The following KAZN variants were observed in gnomAD, a reference collection of about 807,000 sequenced individuals.
KAZN encodes the protein kazrin, periplakin interacting protein.
A neutral mutation model predicts 87.4 loss-of-function variants in KAZN; 40 were observed. The observed-to-expected ratio is 0.46, with a 90% CI of 0.36 to 0.60. KAZN has a LOEUF of 0.60. Ranked by LOEUF, KAZN falls within the 20% of genes least tolerant of loss-of-function variation. KAZN has a pLI of 0.00. For synonymous variants in KAZN, 466 were observed against 458.3 expected, an observed-to-expected ratio of 1.02 and a Z score of -0.22; for missense variants, 898 against 1,073.9, an observed-to-expected ratio of 0.84 and a Z score of 2.29.
chr1:14,089,674 TA>T (rs1432503282), intron 1 of KAZN, among the ~76,000 whole-genome samples: 1 of 152,158 alleles, frequency 6.6e-6, no homozygotes, highest in African/African-American at 2.4e-5. Flanking sequence ...AATTATCTCT[TA>T]AAAATATTTA....
At chr1:14,443,338 C>T (rs191277283) in intron 2 of KAZN, among the ~76,000 whole-genome samples, 7 of 152,350 alleles carry the variant, frequency 4.6e-5, no homozygotes, top group African/African-American at 1.7e-4. Flanking sequence ...CAAAGGCTGC[C>T]TAATTAAGTT....
At chr1:14,434,710 G>C (rs1666279441) in intron 2 of KAZN, among the ~76,000 whole-genome samples, 1 of 152,114 alleles carries the variant, frequency 6.6e-6, no homozygotes, top group African/African-American at 2.4e-5. Flanking sequence ...CACGGAGCAG[G>C]GTGCAGCTCA....
chr1:14,889,325 AC>A (rs2101149037), intron 1 of KAZN, among the ~76,000 whole-genome samples: 1 of 152,378 alleles, frequency 6.6e-6, no homozygotes, highest in South Asian at 2.1e-4. Context: ...AAATAAGAGA[AC>A]AAAAAGACCT....
chr1:14,227,541 G>T (rs866333250), intron 2 of KAZN, among the ~76,000 whole-genome samples: 4 of 152,150 alleles, frequency 2.6e-5, no homozygotes, highest in Non-Finnish European at 4.4e-5. Flanking sequence ...GACAGGCAGA[G>T]TTCTAAGGAC....
intron 1 of KAZN, among the ~76,000 whole-genome samples, chr1:14,943,007 G>GGGGTGTGTGTGT (rs1378110387): frequency 2.0e-5 from 2 of 100,846 alleles, no homozygotes; most frequent in South Asian, 6.6e-4. Flanking sequence ...GTGTGTGTGT[G>GGGGTGTGTGTGT]GTGTGTGTGT....
chr1:14,028,878 G>T (rs532267628), intron 1 of KAZN, among the ~76,000 whole-genome samples: 261 of 152,058 alleles, frequency 1.7e-3, no homozygotes, highest in Admixed American at 4.7e-3. Context: ...TATCATTGTT[G>T]GACATTTGGG....
At chr1:14,962,461 C>T (rs1663992273) in intron 2 of KAZN, among the ~76,000 whole-genome samples, 1 of 152,212 alleles carries the variant, frequency 6.6e-6, no homozygotes, top group Admixed American at 6.5e-5. Context: ...CGTACTTTTC[C>T]TCTATGCAGC....
At chr1:14,076,679 A>C (rs1323917758) in intron 1 of KAZN, among the ~76,000 whole-genome samples, 5 of 152,168 alleles carry the variant, frequency 3.3e-5, no homozygotes, top group Non-Finnish European at 5.9e-5. Flanking sequence ...ACTGTTGTGC[A>C]TATTACCTAT....
chr1:14,158,375 C>G (rs1477181761), intron 1 of KAZN, among the ~76,000 whole-genome samples: 13 of 151,926 alleles, frequency 8.6e-5, no homozygotes, highest in Non-Finnish European at 1.5e-5. Flanking sequence ...TCTGCTTGAT[C>G]AATTCTGCTG....
chr1:14,511,489 A>G (rs1266451958), intron 2 of KAZN, among the ~76,000 whole-genome samples: 1 of 152,200 alleles, frequency 6.6e-6, no homozygotes, highest in African/African-American at 2.4e-5. Context: ...CCTGTGTCCC[A>G]CTGATCTGTG....
At chr1:14,473,686 A>T (rs888241044) in intron 2 of KAZN, among the ~76,000 whole-genome samples, 9 of 151,322 alleles carry the variant, frequency 5.9e-5, no homozygotes, top group African/African-American at 2.2e-4. Flanking sequence ...TCATCATCAC[A>T]GAAGCCTCAA....
chr1:14,263,300 G>A (rs1177060479), intron 2 of KAZN, among the ~76,000 whole-genome samples: 1 of 152,162 alleles, frequency 6.6e-6, no homozygotes, highest in East Asian at 1.9e-4. Flanking sequence ...ATCAGTTCTT[G>A]TAACAACTCG....
At chr1:14,207,675 G>A (rs1001839014) in intron 2 of KAZN, among the ~76,000 whole-genome samples, 11 of 152,122 alleles carry the variant, frequency 7.2e-5, no homozygotes, top group African/African-American at 1.4e-4. Context: ...CTGGGTGAGC[G>A]CCCCTTTCAC....
intron 1 of KAZN, among the ~76,000 whole-genome samples, chr1:14,030,568 CAT>C (rs1641279320): frequency 6.6e-6 from 1 of 150,956 alleles, no homozygotes; most frequent in African/African-American, 2.4e-5. Context: ...TACCCTAAAA[CAT>C]AAAGTATAAT....
At position 14,564,598 on chromosome 1, in the gene KAZN, G is replaced by A. The variant is rs1259995904; in HGVS notation, c.250-34385G>A. The stretch of plus-strand genomic sequence containing the variant: ...AGGTGCGTGGATCACGAGGTCAAGA[G>A]TTCAAGACCAGCCTGGCCAAGATGG... On this transcript the variant is annotated intron_variant, in intron 2 of 16. Transcript: ENST00000636203. Among the ~76,000 whole-genome samples, 7 of 151,382 alleles carry A rather than the reference G, an allele frequency of 4.6e-5. No individual in the cohort carries two copies. The East Asian group carries it at 1.2e-3, about 25-fold the overall frequency.
At chr1:15,041,988 T>C (rs1672975161) in intron 3 of KAZN, among the ~76,000 whole-genome samples, 1 of 152,234 alleles carries the variant, frequency 6.6e-6, no homozygotes, top group African/African-American at 2.4e-5. Context: ...GCCTTAGCAC[T>C]GTACAGAACG....
intron 2 of KAZN, among the ~76,000 whole-genome samples, chr1:14,242,761 T>G (rs1649094960): frequency 6.6e-6 from 1 of 152,216 alleles, no homozygotes; most frequent in Non-Finnish European, 1.5e-5. Flanking sequence ...CCCTGCTGTC[T>G]CAGAAAGCTC....
At chr1:14,785,256 C>T (rs888532357) in intron 1 of KAZN, among the ~76,000 whole-genome samples, 1 of 152,150 alleles carries the variant, frequency 6.6e-6, no homozygotes, top group African/African-American at 2.4e-5. Flanking sequence ...GCCCTGTGGA[C>T]CCCCATGGAA....
At chr1:14,347,822 T>C (rs1251228797) in intron 2 of KAZN, among the ~76,000 whole-genome samples, 2 of 152,106 alleles carry the variant, frequency 1.3e-5, no homozygotes, top group Non-Finnish European at 2.9e-5. Context: ...TCTTTGATTA[T>C]CTGTGTCTCC....
Sources: gnomAD v4.1 joint callset for allele counts (sites outside exome capture counted in the v4.1 genomes callset) on GRCh38, gnomAD v4.1.1 for gene constraint, MANE v1.5 for transcripts, NCBI Gene and HGNC (gene_info 2026-07-23, HGNC 2026-07-21) for gene names.